ACP6: variants seen among roughly 807,000 people sequenced by gnomAD.
ACP6 encodes the protein lysophosphatidic acid phosphatase type 6.
ACP6 carries 48 observed loss-of-function variants against 48.1 expected under a neutral mutation model. The ratio of observed to expected loss-of-function variants is 1.00; its 90% confidence interval spans 0.79 to 1.27. ACP6 has a LOEUF of 1.27. Ranked by LOEUF, ACP6 falls within the 50% of genes most tolerant of loss-of-function variation. The probability of loss-of-function intolerance (pLI) is 0.00; values close to 1 mark genes in which losing one functional copy is unlikely to be tolerated. For missense variants in ACP6, 485 were observed against 529.1 expected, an observed-to-expected ratio of 0.92 and a Z score of 0.82; for synonymous variants, 172 against 204.2, an observed-to-expected ratio of 0.84 and a Z score of 1.34.
At position 147,645,600 on chromosome 1, in the gene ACP6, T is replaced by A. The variant is rs1191344738; in HGVS notation, c.*1823A>T. The A allele has an allele frequency of 6.6e-6, 1 of 152,170 alleles. No individual in the cohort carries two copies. The highest frequency in any genetic ancestry group is 2.4e-5 in the African/African-American group (1 of 41,448). 9.4% of individuals were successfully genotyped at this position (152,170 alleles called of 1,614,324 possible). On this transcript the variant is annotated 3_prime_UTR_variant, in exon 10 of 10. Coordinates refer to ENST00000583509, the MANE Select transcript of ACP6 (RefSeq NM_016361.5). ...AGTCTAGGAATACTGATGAGAAGCT[T>A]AGTAAGAAGAATGAAAACTGGCTAT...
At chr1:147,648,449 A>G (rs931996531) in intron 8 of ACP6, 38 bp from the exon 9 acceptor site, 12 of 1,609,028 alleles carry the variant, frequency 7.5e-6, no homozygotes, top group East Asian at 2.2e-5. Flanking sequence ...TCTCTGCCTC[A>G]GGACTCTGAA....
chr1:147,659,777 T>G lies in ACP6; in HGVS notation c.220-2A>C, dbSNP rs587602841. 1.2e-6 allele frequency: 2 copies of G among 1,613,026 alleles called. No individual in the cohort carries two copies. The highest frequency in any genetic ancestry group is 3.3e-5 in the Admixed American group (2 of 59,920). On this transcript the variant is annotated splice_acceptor_variant, in intron 1 of 9. Coordinates refer to ENST00000583509, the MANE Select transcript of ACP6 (RefSeq NM_016361.5). LOFTEE classifies it high-confidence loss of function. ...TAATAGCTGGGGGTTCCACTCTACC[T>G]GTTAGTACAAAAAAAACACACCACA...
downstream of ACP6, among the ~76,000 whole-genome samples, chr1:147,638,636 TG>T (rs1659361720): frequency 6.6e-6 from 1 of 152,170 alleles, no homozygotes; most frequent in Admixed American, 6.5e-5. Flanking sequence ...CATGAGGCCT[TG>T]TATACCAGGG....
rs773676397 is a variant in ACP6 at position 147,647,596 on chromosome 1, G to A, written c.1144-30C>T. 17 of 1,602,810 alleles carry A rather than the reference G, an allele frequency of 1.1e-5. 1 individual carries two copies. Among genetic ancestry groups the A allele is most frequent in the South Asian group, 3.3e-5 (3 of 90,738 alleles). On this transcript the variant is annotated intron_variant, in intron 9 of 9. Coordinates refer to ENST00000583509, the MANE Select transcript of ACP6 (RefSeq NM_016361.5). ...AGAAGAAACATAACTCAGCAGGTCC[G>A]CCGAGGAACCTGTCCTTCTGCTATT...
downstream of ACP6, among the ~76,000 whole-genome samples, chr1:147,641,053 C>T (rs1209265501): frequency 6.6e-6 from 1 of 152,194 alleles, no homozygotes; most frequent in Non-Finnish European, 1.5e-5. Context: ...AGAATGATCC[C>T]TTCCTGGCAT....
intron 1 of ACP6, among the ~76,000 whole-genome samples, chr1:147,668,342 T>C (rs1660906223): frequency 6.6e-6 from 1 of 152,042 alleles, no homozygotes; most frequent in African/African-American, 2.4e-5. Context: ...AGGCAGAAGA[T>C]ATCCATCACA....
chr1:147,651,457 A>AG (rs1659914458), intron 7 of ACP6: 1 of 152,188 alleles, frequency 6.6e-6, no homozygotes, highest in Admixed American at 6.5e-5. Flanking sequence ...TAGTTGTAAC[A>AG]GAAATTGCAT....
intron 5 of ACP6, 135 bp from the exon 6 acceptor site, chr1:147,654,461 A>C: frequency 1.1e-6 from 1 of 911,756 alleles, no homozygotes. Flanking sequence ...TATTATCCCA[A>C]TTTTATAGAT....
intron 5 of ACP6, among the ~76,000 whole-genome samples, chr1:147,631,830 CAACA>C (rs1361174096): frequency 2.0e-5 from 3 of 151,348 alleles, no homozygotes; most frequent in African/African-American, 7.3e-5. Context: ...ACAACAACAA[CAACA>C]AAAAAAACAG....
intron 5 of ACP6, 69 bp downstream of exon 5, chr1:147,655,092 C>A: frequency 7.5e-7 from 1 of 1,328,704 alleles, no homozygotes; most frequent in Non-Finnish European, 1.1e-6. Context: ...TCAGTATAGA[C>A]AGAGTTCTGC....
intron 1 of ACP6, among the ~76,000 whole-genome samples, chr1:147,667,218 TTTTTTG>T (rs1167501836): frequency 0.033 from 8 of 242 alleles, no homozygotes; most frequent in Non-Finnish European, 0.048. Flanking sequence ...AAAACACTAG[TTTTTTG>T]TTTTTGTTTT....
intron 5 of ACP6, among the ~76,000 whole-genome samples, chr1:147,654,625 A>T (rs1483797729): frequency 1.3e-5 from 2 of 152,244 alleles, no homozygotes; most frequent in African/African-American, 4.8e-5. Context: ...GTCTGAAAAC[A>T]GCATTTTCTT....
At chr1:147,640,292 G>A (rs1185454485), downstream of ACP6, among the ~76,000 whole-genome samples, 3 of 152,084 alleles carry the variant, frequency 2.0e-5, no homozygotes, top group African/African-American at 7.2e-5. Context: ...TCCAAGGTAG[G>A]TGCTTCTTTC....
rs1174460781 is a variant in ACP6 at position 147,646,400 on chromosome 1, A to T, written c.*1023T>A. On this transcript the variant is annotated 3_prime_UTR_variant, in exon 10 of 10. Transcript: ENST00000583509. ...AAAGTGTCTGAAGCTCAGAAGAGAAACCTGAGCTTGAGATATCTCAGCTCC... is the reference window on the plus strand; with the variant it reads ...AAAGTGTCTGAAGCTCAGAAGAGAATCCTGAGCTTGAGATATCTCAGCTCC... 6.6e-6 allele frequency: 1 copy of T among 152,142 alleles called. No homozygotes were observed. Among genetic ancestry groups the T allele is most frequent in the East Asian group, 1.9e-4 (1 of 5,180 alleles). 9.4% of individuals were successfully genotyped at this position (152,142 alleles called of 1,614,324 possible). A position where few individuals can be genotyped will look rare whatever the true frequency, so the allele number is the denominator to read the frequency against.
intron 1 of ACP6, among the ~76,000 whole-genome samples, chr1:147,666,162 G>A (rs1308037378): frequency 5.3e-5 from 8 of 152,140 alleles, no homozygotes; most frequent in African/African-American, 1.9e-4. Context: ...TTTACATAAA[G>A]AAACAAACTT....
chr1:147,664,744 A>T (rs929569970), intron 1 of ACP6, among the ~76,000 whole-genome samples: 5 of 152,214 alleles, frequency 3.3e-5, no homozygotes, highest in African/African-American at 1.2e-4. Flanking sequence ...TTAGTAAAGA[A>T]AAAAGGCCAG....
intron 4 of ACP6, among the ~76,000 whole-genome samples, chr1:147,655,826 A>G (rs1660227346): frequency 6.6e-6 from 1 of 152,270 alleles, no homozygotes; most frequent in Admixed American, 6.5e-5. Flanking sequence ...TGTTTCTCAT[A>G]TATCTCATGG....
At chr1:147,655,476 T>C (rs1410514402) in intron 4 of ACP6, among the ~76,000 whole-genome samples, 3 of 152,200 alleles carry the variant, frequency 2.0e-5, no homozygotes, top group Non-Finnish European at 4.4e-5. Context: ...AGCAGCCTTG[T>C]TCTGTCTAGC....
intron 3 of ACP6, 168 bp downstream of exon 3, chr1:147,659,227 TC>T: frequency 1.8e-6 from 2 of 1,110,622 alleles, no homozygotes; most frequent in African/African-American, 3.2e-5. Context: ...GAATGCGACC[TC>T]CAGGAACGAC....
Sources: gnomAD v4.1 joint callset for allele counts (sites outside exome capture counted in the v4.1 genomes callset) on GRCh38, gnomAD v4.1.1 for gene constraint, MANE v1.5 for transcripts, NCBI Gene and HGNC (gene_info 2026-07-23, HGNC 2026-07-21) for gene names.